Variants in EZR observed in about 807,000 individuals in gnomAD.
EZR encodes the protein ezrin, also known as cytovillin 2.
Under a neutral mutation model 74.8 loss-of-function variants are expected in EZR, and 40 were observed. That is an observed-to-expected ratio of 0.53 (90% confidence interval 0.42 to 0.70). The LOEUF (loss-of-function observed/expected upper bound fraction) is 0.70. Among genes scored for constraint, EZR ranks in the 30% least tolerant of loss-of-function variants. The pLI is 0.00. For missense variants in EZR, 678 were observed against 755.8 expected, an observed-to-expected ratio of 0.90 and a Z score of 1.21; for synonymous variants, 341 against 283.3, an observed-to-expected ratio of 1.20 and a Z score of -2.05.
At chr6:158,767,100 G>C in intron 13 of EZR, 22 bp from the exon 14 acceptor site, 1 of 1,613,458 alleles carries the variant, frequency 6.2e-7, no homozygotes, top group African/African-American at 1.3e-5. Context: ...AGCAGCATTG[G>C]TCTAGTCCCT....
At chr6:158,770,002 T>C (rs2128565069) in intron 10 of EZR, 58 bp from the exon 11 acceptor site, 1 of 1,584,922 alleles carries the variant, frequency 6.3e-7, no homozygotes, top group South Asian at 1.1e-5. Flanking sequence ...CTAGGAGCCC[T>C]CGCTTTCCAT....
At chr6:158,770,640 G>T in intron 10 of EZR, 124 bp downstream of exon 10, 1 of 1,077,038 alleles carries the variant, frequency 9.3e-7, no homozygotes, top group Non-Finnish European at 1.4e-6. Flanking sequence ...CATTTCGGCT[G>T]TGAGTCTGCG....
chr6:158,804,098 G>A (rs1246517451), intron 2 of EZR, among the ~76,000 whole-genome samples: 4 of 152,092 alleles, frequency 2.6e-5, no homozygotes, highest in Admixed American at 6.6e-5. Context: ...GGCCATTTCC[G>A]ACCTGCTGAT....
At chr6:158,785,229 CT>C in intron 5 of EZR, 79 bp downstream of exon 5, 1 of 1,553,134 alleles carries the variant, frequency 6.4e-7, no homozygotes, top group South Asian at 1.2e-5. Context: ...TGTTTTTAAA[CT>C]GTGCTTCTAA....
intron 3 of EZR, among the ~76,000 whole-genome samples, chr6:158,787,568 G>T (rs1278637075): frequency 1.3e-4 from 20 of 152,282 alleles, no homozygotes; most frequent in Admixed American, 1.3e-3. Flanking sequence ...GCCCCCCAGG[G>T]AACAGTGCGG....
rs13201426 is a variant in EZR at position 158,779,377 on chromosome 6, G to A, written c.699-2873C>T. On this transcript the variant is annotated intron_variant, in intron 7 of 13. Coordinates refer to ENST00000367075, the MANE Select transcript of EZR (RefSeq NM_001111077.2). ...GTGTGGCTCCAGAGAGGGTCCCGGG[G>A]CAGAAATAGGACATCAGTGAGACAA... is the stretch of plus-strand genomic sequence containing the variant. Among the ~76,000 whole-genome samples the A allele has an allele frequency of 5.1e-3, 772 of 152,260 alleles. 4 individuals carry two copies. The highest frequency in any genetic ancestry group is 7.6e-3 in the Non-Finnish European group (519 of 68,024).
At chr6:158,801,666 T>A (rs971703294) in intron 2 of EZR, among the ~76,000 whole-genome samples, 8 of 152,166 alleles carry the variant, frequency 5.3e-5, no homozygotes, top group Non-Finnish European at 2.9e-5. Flanking sequence ...ATAGGAATAA[T>A]AAAATCATCC....
chr6:158,812,889 C>T (rs1208638173), intron 2 of EZR, among the ~76,000 whole-genome samples: 1 of 152,128 alleles, frequency 6.6e-6, no homozygotes, highest in African/African-American at 2.4e-5. Context: ...TCAATTCTAC[C>T]TCCCAAAGAA....
intron 12 of EZR, 105 bp from the exon 13 acceptor site, chr6:158,767,617 A>G: frequency 7.8e-7 from 1 of 1,279,568 alleles, no homozygotes; most frequent in Non-Finnish European, 1.1e-6. Flanking sequence ...CTAAGGCAGC[A>G]CTGAACTGTG....
intron 3 of EZR, 80 bp from the exon 4 acceptor site, chr6:158,787,283 A>G: frequency 8.4e-7 from 1 of 1,185,190 alleles, no homozygotes; most frequent in Non-Finnish European, 1.2e-6. Context: ...CGTTCATCAC[A>G]TGGTCTAGCA....
At chr6:158,776,191 A>T (rs1266940735) in intron 8 of EZR, among the ~76,000 whole-genome samples, 2 of 152,212 alleles carry the variant, frequency 1.3e-5, no homozygotes, top group Non-Finnish European at 2.9e-5. Flanking sequence ...AATGGCTCAG[A>T]ACTGCCCTTT....
chr6:158,769,730 C>T (rs2128564653), intron 11 of EZR, 54 bp downstream of exon 11: 1 of 1,599,660 alleles, frequency 6.3e-7, no homozygotes, highest in Non-Finnish European at 8.5e-7. Flanking sequence ...CATTTTCCAT[C>T]CTCAGAAGCA....
chr6:158,772,953 G>A (rs2128566807), intron 8 of EZR, among the ~76,000 whole-genome samples: 1 of 152,312 alleles, frequency 6.6e-6, no homozygotes, highest in African/African-American at 2.4e-5. Context: ...CAAGCCCTGA[G>A]AGCCCATGAA....
chr6:158,785,208 CG>C (rs1791542180), intron 5 of EZR, 100 bp downstream of exon 5: 1 of 1,445,892 alleles, frequency 6.9e-7, no homozygotes, highest in Non-Finnish European at 9.4e-7. Context: ...TTGACACTGG[CG>C]AAGTCCTTGT....
intron 11 of EZR, 149 bp from the exon 12 acceptor site, chr6:158,769,567 G>A (rs2128564435): frequency 9.6e-7 from 1 of 1,036,358 alleles, no homozygotes. Flanking sequence ...AGGGTCCATT[G>A]TGCACCCCCG....
Position 158,767,301 on chromosome 6 carries a change from G to A in EZR, c.1556C>T (p.Thr519Ile), listed in dbSNP as rs1436528488. ...CACACGCTCGTTCTTCTCTGCCTCA[G>A]TGATGCGCTTCTCCTCATTGCGGTC... ...RDDRNEEKRI[T>I]EAEKNERVQR... The change falls in exon 13 of 14, where the codon ACT becomes ATT. Residue 519 changes from threonine to isoleucine, a missense_variant. Around this residue, in one of 3 missense-constraint regions of EZR, gnomAD observed 342 missense variants for 341.2 expected, o/e 1.00. Transcript: ENST00000367075. 6.2e-7 allele frequency: 1 copy of A among 1,614,020 alleles called. No individual in the cohort carries two copies. The highest frequency in any genetic ancestry group is 8.5e-7 in the Non-Finnish European group (1 of 1,179,992).
At chr6:158,767,709 C>T (rs1790942561) in intron 12 of EZR, among the ~76,000 whole-genome samples, 197 bp from the exon 13 acceptor site, 1 of 152,126 alleles carries the variant, frequency 6.6e-6, no homozygotes, top group African/African-American at 2.4e-5. Flanking sequence ...GGAAGAGGAA[C>T]TGTGATGCCG....
intron 2 of EZR, among the ~76,000 whole-genome samples, chr6:158,807,288 C>A (rs1429476739): frequency 1.3e-5 from 2 of 148,602 alleles, no homozygotes; most frequent in Non-Finnish European, 3.0e-5. Context: ...GCACTCCAGC[C>A]TGGGCGACAG....
chr6:158,790,584 G>C (rs1791714047), intron 2 of EZR, among the ~76,000 whole-genome samples: 2 of 152,204 alleles, frequency 1.3e-5, no homozygotes, highest in South Asian at 4.1e-4. Flanking sequence ...TGAGGCAGGA[G>C]AATCGCTTGA....
Sources: allele counts gnomAD v4.1 joint callset (sites outside exome capture counted in the v4.1 genomes callset), GRCh38; gene constraint gnomAD v4.1.1; regional missense constraint gnomAD v4.1.1; transcripts MANE v1.5; gene names NCBI Gene and HGNC (gene_info 2026-07-23, HGNC 2026-07-21).